ERBB4: variants seen among roughly 807,000 people sequenced by gnomAD.
ERBB4 encodes the protein erb-b2 receptor tyrosine kinase 4.
A neutral mutation model predicts 158.0 loss-of-function variants in ERBB4; 42 were observed. That is an observed-to-expected ratio of 0.27 (90% CI 0.21 to 0.34). The LOEUF (loss-of-function observed/expected upper bound fraction) is 0.34, where lower values mean the gene tolerates loss of function less well. ERBB4 is among the 10% of genes least tolerant of loss of function. The pLI is 1.00. For synonymous variants in ERBB4, 583 were observed against 558.7 expected, an observed-to-expected ratio of 1.04 and a Z score of -0.61; for missense variants, 1,333 against 1,624.1, an observed-to-expected ratio of 0.82 and a Z score of 3.08.
intron 1 of ERBB4, among the ~76,000 whole-genome samples, chr2:212,373,777 G>A (rs1188125888): frequency 2.2e-4 from 15 of 69,186 alleles, no homozygotes; most frequent in Non-Finnish European, 4.1e-4. Context: ...ATATATCCAT[G>A]TATATATCCA....
chr2:212,463,503 T>G (rs1688677259), intron 1 of ERBB4, among the ~76,000 whole-genome samples: 1 of 152,124 alleles, frequency 6.6e-6, no homozygotes, highest in Non-Finnish European at 1.5e-5. Context: ...ATTGACATGT[T>G]TTTCTGATTA....
chr2:211,537,126 T>TA (rs2066677191), intron 20 of ERBB4, among the ~76,000 whole-genome samples: 4 of 151,992 alleles, frequency 2.6e-5, no homozygotes, highest in African/African-American at 9.7e-5. Context: ...AATTAAAATT[T>TA]TAAAAAATCA....
At chr2:211,469,222 TGAA>T (rs1214314118) in intron 20 of ERBB4, among the ~76,000 whole-genome samples, 1 of 152,182 alleles carries the variant, frequency 6.6e-6, no homozygotes, top group Non-Finnish European at 1.5e-5. Flanking sequence ...ACGAAAAGAC[TGAA>T]GTAGATTACA....
intron 2 of ERBB4, among the ~76,000 whole-genome samples, chr2:211,999,036 A>G (rs1258047697): frequency 6.6e-6 from 1 of 151,692 alleles, no homozygotes; most frequent in Non-Finnish European, 1.5e-5. Context: ...TATTTCTTAG[A>G]ATATTTTTAT....
At chr2:212,536,064 T>C (rs1374301789) in intron 1 of ERBB4, among the ~76,000 whole-genome samples, 1 of 152,216 alleles carries the variant, frequency 6.6e-6, no homozygotes, top group Non-Finnish European at 1.5e-5. Context: ...TGTCGCCCTC[T>C]GGCAGCTTAG....
chr2:211,772,814 T>C (rs1222509542), intron 4 of ERBB4, among the ~76,000 whole-genome samples: 1 of 26,776 alleles, frequency 3.7e-5, no homozygotes, highest in Non-Finnish European at 6.0e-5. Context: ...CTGGGATATA[T>C]ATATATATAT....
chr2:211,697,307 A>G (rs2073063921), intron 12 of ERBB4, among the ~76,000 whole-genome samples: 2 of 152,290 alleles, frequency 1.3e-5, no homozygotes, highest in South Asian at 4.1e-4. Context: ...AATTTTAAAA[A>G]TGCTATGCCA....
intron 2 of ERBB4, among the ~76,000 whole-genome samples, chr2:212,123,564 C>G (rs184721645): frequency 6.6e-6 from 1 of 152,192 alleles, no homozygotes; most frequent in Non-Finnish European, 1.5e-5. Context: ...CTTACAGAAA[C>G]AGAGCTCTAT....
intron 20 of ERBB4, among the ~76,000 whole-genome samples, chr2:211,526,813 C>G (rs2066360777): frequency 6.6e-6 from 1 of 151,864 alleles, no homozygotes; most frequent in Non-Finnish European, 1.5e-5. Flanking sequence ...CTGAAGAATG[C>G]ATCAGTCTCT....
chr2:211,615,420 T>C (rs1333042955), intron 19 of ERBB4, among the ~76,000 whole-genome samples: 1 of 152,110 alleles, frequency 6.6e-6, no homozygotes. Flanking sequence ...GGAGCAGGTG[T>C]AAATGCAGGT....
intron 1 of ERBB4, among the ~76,000 whole-genome samples, chr2:212,417,860 T>G (rs2091693570): frequency 6.6e-6 from 1 of 152,018 alleles, no homozygotes; most frequent in South Asian, 2.1e-4. Context: ...TCTCTCAATA[T>G]TCATATACTG....
In ERBB4 at chr2:211,741,907, T is replaced by G. The variant is rs907048643; in HGVS notation, c.622+8732A>C. Among the ~76,000 whole-genome samples, 11 of 152,314 alleles carry G rather than the reference T, an allele frequency of 7.2e-5. No homozygotes were observed. The East Asian group carries it at 2.1e-3, about 29-fold the overall frequency. ...ACACATCAGGGAAGATTTTTCTCAT[T>G]TTCTACCGGTAAATTATTGGGGCAC... is the stretch of plus-strand genomic sequence containing the variant. On this transcript the variant is annotated intron_variant, in intron 5 of 27. Transcript: ENST00000342788.
chr2:211,894,867 C>G (rs2079060415), intron 3 of ERBB4, among the ~76,000 whole-genome samples: 1 of 152,108 alleles, frequency 6.6e-6, no homozygotes, highest in Admixed American at 6.5e-5. Flanking sequence ...TTTAAGGAAT[C>G]ATTTGTGAAC....
chr2:211,928,340 T>A (rs1373483726), intron 3 of ERBB4, among the ~76,000 whole-genome samples: 1 of 151,932 alleles, frequency 6.6e-6, no homozygotes, highest in Non-Finnish European at 1.5e-5. Context: ...CCCACCCCCG[T>A]AACCCACTCA....
In ERBB4 at chr2:211,397,060, G is replaced by C. The variant is rs116364052; in HGVS notation, c.3136-9068C>G. 7.7e-3 allele frequency among the ~76,000 whole-genome samples: 1,178 copies of C among 152,224 alleles called. 15 individuals carry two copies. Among genetic ancestry groups the C allele is most frequent in the South Asian group, 0.022 (104 of 4,820 alleles). ...CCCAGAGCAAACACTAGTTACATTT[G>C]ACAGAAACAGGCTGGTATTTACAAC... On this transcript the variant is annotated intron_variant, in intron 25 of 27. Coordinates refer to ENST00000342788, the MANE Select transcript of ERBB4 (RefSeq NM_005235.3).
chr2:211,862,713 A>T (rs1184208015), intron 3 of ERBB4, among the ~76,000 whole-genome samples: 1 of 152,242 alleles, frequency 6.6e-6, no homozygotes, highest in Non-Finnish European at 1.5e-5. Context: ...ATATCAGATC[A>T]TTATTTTACT....
chr2:211,934,610 T>C (rs112419216), intron 3 of ERBB4, among the ~76,000 whole-genome samples: 17 of 151,978 alleles, frequency 1.1e-4, no homozygotes, highest in African/African-American at 3.9e-4. Context: ...ACTAGAGTAA[T>C]AAGATTTATA....
rs2076454710 is a variant in ERBB4, at chr2:211,799,575, CA to C, written c.422-11417del. 2.6e-5 allele frequency among the ~76,000 whole-genome samples: 4 copies of C among 152,210 alleles called. No individual in the cohort carries two copies. In the South Asian group the frequency reaches 8.3e-4, roughly 32 times the overall value. On this transcript the variant is annotated intron_variant, in intron 3 of 27. Transcript: ENST00000342788. ...GGGTAACCATGACTCTGCCATAGAG[CA>C]ACAGCCTTTCAGGAAGGGAATTATC... is the stretch of plus-strand genomic sequence containing the variant.
chr2:211,664,120 C>A (rs537718377), intron 15 of ERBB4, among the ~76,000 whole-genome samples: 9 of 152,298 alleles, frequency 5.9e-5, no homozygotes, highest in African/African-American at 2.2e-4. Context: ...TCTGTCACTT[C>A]ACAGAGTGAG....
Sources: gnomAD v4.1 joint callset for allele counts (sites outside exome capture counted in the v4.1 genomes callset) on GRCh38, gnomAD v4.1.1 for gene constraint, MANE v1.5 for transcripts, NCBI Gene and HGNC (gene_info 2026-07-23, HGNC 2026-07-21) for gene names.